Variants in GNA12 observed in about 807,000 individuals in gnomAD.
GNA12 encodes the protein G protein subunit alpha 12, also known as guanine nucleotide-binding protein subunit alpha-12.
In GNA12, 9 loss-of-function variants were observed where a neutral mutation model predicts 26.0. That is an observed-to-expected ratio of 0.35 (90% confidence interval 0.21 to 0.60). GNA12 has a LOEUF of 0.60. GNA12 is among the 20% of genes least tolerant of loss of function. The pLI, the probability that GNA12 is intolerant of heterozygous loss-of-function variation, is 0.78. For missense variants in GNA12, 405 were observed against 525.8 expected (o/e 0.77, Z 2.25); for synonymous variants, 264 against 219.6 (o/e 1.20, Z -1.79).
At chr7:2,817,395 G>C (rs1440362246) in intron 1 of GNA12, among the ~76,000 whole-genome samples, 1 of 152,144 alleles carries the variant, frequency 6.6e-6, no homozygotes, top group Non-Finnish European at 1.5e-5. Flanking sequence ...TTACAGGCAT[G>C]AGCCACCACA....
intron 1 of GNA12, among the ~76,000 whole-genome samples, chr7:2,842,105 A>AGAAC (rs879813408): frequency 2.1e-5 from 3 of 140,188 alleles, no homozygotes; most frequent in Non-Finnish European, 4.5e-5. Context: ...AAGGAAAGGA[A>AGAAC]GGAAGGGAAG....
intron 3 of GNA12, 28 bp downstream of exon 3, chr7:2,733,423 G>A: frequency 6.2e-7 from 1 of 1,607,676 alleles, no homozygotes; most frequent in Non-Finnish European, 8.5e-7. Flanking sequence ...CTGGAGCCCA[G>A]CTTCTTCGGG....
chr7:2,802,842 G>C (rs934993777), intron 1 of GNA12, among the ~76,000 whole-genome samples: 1 of 152,198 alleles, frequency 6.6e-6, no homozygotes, highest in African/African-American at 2.4e-5. Context: ...TGAAGTGCAA[G>C]ATACCTTTTA....
rs562363223 is a variant in GNA12 at position 2,728,112 on chromosome 7, T to C, written c.*3069A>G. On this transcript the variant is annotated 3_prime_UTR_variant, in exon 4 of 4. Transcript: ENST00000275364. ...TTTTGAATACTGGCACTATTTTATA[T>C]TAAGCAAAGAAAGACTAAATTTATT... 1 of 152,414 alleles carries C rather than the reference T, an allele frequency of 6.6e-6. No individual in the cohort carries two copies. Among genetic ancestry groups the C allele is most frequent in the South Asian group, 2.1e-4 (1 of 4,830 alleles). 9.4% of individuals were successfully genotyped at this position (152,414 alleles called of 1,614,324 possible). A position where few individuals can be genotyped will look rare whatever the true frequency, so the allele number is the denominator to read the frequency against.
At chr7:2,831,176 A>G (rs1019304303) in intron 1 of GNA12, among the ~76,000 whole-genome samples, 1 of 151,656 alleles carries the variant, frequency 6.6e-6, no homozygotes, top group African/African-American at 2.4e-5. Flanking sequence ...AAACAGTCTC[A>G]TTGTGCTACG....
chr7:2,741,888 C>T (rs1790525117), intron 2 of GNA12, among the ~76,000 whole-genome samples: 1 of 150,848 alleles, frequency 6.6e-6, no homozygotes, highest in Non-Finnish European at 1.5e-5. Context: ...GTATTAGACA[C>T]CGAGGTTTAT....
At chr7:2,835,407 C>T (rs562535845) in intron 1 of GNA12, among the ~76,000 whole-genome samples, 50 of 152,322 alleles carry the variant, frequency 3.3e-4, no homozygotes, top group Non-Finnish European at 6.2e-4. Flanking sequence ...TGTTGGCCCA[C>T]GGGGGTTGCC....
At chr7:2,841,783 T>C (rs1676401139) in intron 1 of GNA12, among the ~76,000 whole-genome samples, 1 of 152,050 alleles carries the variant, frequency 6.6e-6, no homozygotes, top group African/African-American at 2.4e-5. Context: ...CAGGAGTCCT[T>C]ATGGGTAAGT....
chr7:2,733,216 C>T (rs1789988144), intron 3 of GNA12, among the ~76,000 whole-genome samples: 1 of 152,210 alleles, frequency 6.6e-6, no homozygotes, highest in East Asian at 1.9e-4. Flanking sequence ...CTCATGAACT[C>T]CTCTGTCTGT....
At chr7:2,758,950 C>G (rs1007358483) in intron 2 of GNA12, among the ~76,000 whole-genome samples, 2 of 151,974 alleles carry the variant, frequency 1.3e-5, no homozygotes, top group Middle Eastern at 6.8e-3. Context: ...AGACCAGCCT[C>G]CTGATATGGT....
At chr7:2,814,240 G>A (rs1302684664) in intron 1 of GNA12, 1 of 820,602 alleles carries the variant, frequency 1.2e-6, no homozygotes, top group South Asian at 1.3e-5. Flanking sequence ...CCTGTTGGCT[G>A]TGCTTCTTTG....
At chr7:2,803,786 A>T (rs1331031403) in intron 1 of GNA12, among the ~76,000 whole-genome samples, 1 of 151,818 alleles carries the variant, frequency 6.6e-6, no homozygotes, top group Non-Finnish European at 1.5e-5. Flanking sequence ...AGGTTTTCCT[A>T]AAAGTCCAAA....
intron 1 of GNA12, among the ~76,000 whole-genome samples, chr7:2,824,421 G>T (rs1157168214): frequency 6.6e-6 from 1 of 152,128 alleles, no homozygotes; most frequent in African/African-American, 2.4e-5. Context: ...CTCTGCACTT[G>T]GGGTGCTCTC....
intron 1 of GNA12, among the ~76,000 whole-genome samples, chr7:2,795,446 C>A (rs371424328): frequency 6.6e-6 from 1 of 152,000 alleles, no homozygotes; most frequent in East Asian, 1.9e-4. Flanking sequence ...GCCTGGGCAA[C>A]AGAGCAAGAC....
At chr7:2,759,331 T>C (rs1481662678) in intron 2 of GNA12, among the ~76,000 whole-genome samples, 1 of 152,178 alleles carries the variant, frequency 6.6e-6, no homozygotes, top group Non-Finnish European at 1.5e-5. Flanking sequence ...AACTCACACC[T>C]ACCTTGCACT....
At chr7:2,799,100 A>G (rs1470389440) in intron 1 of GNA12, among the ~76,000 whole-genome samples, 1 of 152,242 alleles carries the variant, frequency 6.6e-6, no homozygotes, top group African/African-American at 2.4e-5. Flanking sequence ...ATGTGACTCC[A>G]AATACATGAT....
chr7:2,786,435 C>A (rs1792363668), intron 2 of GNA12, among the ~76,000 whole-genome samples: 1 of 152,018 alleles, frequency 6.6e-6, no homozygotes, highest in South Asian at 2.1e-4. Flanking sequence ...CAATAGCCAA[C>A]TAAGAAGAGA....
At chr7:2,786,718 T>C (rs949468755) in intron 2 of GNA12, among the ~76,000 whole-genome samples, 2 of 152,222 alleles carry the variant, frequency 1.3e-5, no homozygotes, top group African/African-American at 2.4e-5. Context: ...AGAAGTCAGC[T>C]AGTCCGTGAC....
At chr7:2,786,545 CATATT>C (rs1470984529) in intron 2 of GNA12, among the ~76,000 whole-genome samples, 3 of 152,144 alleles carry the variant, frequency 2.0e-5, no homozygotes. Context: ...AACGTATAAA[CATATT>C]ATATCTCTGT....
Sources: allele counts gnomAD v4.1 joint callset (sites outside exome capture counted in the v4.1 genomes callset), GRCh38; gene constraint gnomAD v4.1.1; transcripts MANE v1.5; gene names NCBI Gene and HGNC (gene_info 2026-07-23, HGNC 2026-07-21).